FAM228B: variants seen among roughly 807,000 people sequenced by gnomAD.
FAM228B encodes family with sequence similarity 228 member B.
In FAM228B, 38 loss-of-function variants were observed where a neutral mutation model predicts 42.6. The ratio of observed to expected loss-of-function variants is 0.89; its 90% CI spans 0.69 to 1.17. The LOEUF is 1.17. FAM228B is among the 50% of genes most tolerant of loss of function. The pLI is 0.00. For missense variants in FAM228B, 344 were observed against 367.3 expected, an observed-to-expected ratio of 0.94 and a Z score of 0.52; for synonymous variants, 109 against 122.3, an observed-to-expected ratio of 0.89 and a Z score of 0.72.
At chr2:24,093,125 TTTTTATTTTTA>T (rs1665425195) in intron 2 of FAM228B, among the ~76,000 whole-genome samples, 1 of 152,098 alleles carries the variant, frequency 6.6e-6, no homozygotes, top group African/African-American at 2.4e-5. Flanking sequence ...CCCCTCTCAC[TTTTTATTTTTA>T]TTTTTATTTT....
intron 2 of FAM228B, among the ~76,000 whole-genome samples, chr2:24,093,258 C>T (rs1665427652): frequency 1.3e-5 from 2 of 152,098 alleles, no homozygotes; most frequent in Non-Finnish European, 2.9e-5. Flanking sequence ...AGGCTTTAAG[C>T]CCCTCATGCA....
At chr2:24,111,299 A>G (rs1665790573) in intron 3 of FAM228B, among the ~76,000 whole-genome samples, 1 of 152,162 alleles carries the variant, frequency 6.6e-6, no homozygotes, top group Non-Finnish European at 1.5e-5. Flanking sequence ...GGCTCAGGCA[A>G]TCCACCTGCT....
At chr2:24,138,160 C>A in intron 4 of FAM228B, 60 bp downstream of exon 4, 1 of 1,262,666 alleles carries the variant, frequency 7.9e-7, no homozygotes, top group Non-Finnish European at 1.1e-6. Flanking sequence ...CATCTTTGTT[C>A]ATTTATAATC....
intron 2 of FAM228B, among the ~76,000 whole-genome samples, chr2:24,128,009 C>A (rs1246614751): frequency 6.6e-6 from 1 of 152,100 alleles, no homozygotes; most frequent in African/African-American, 2.4e-5. Flanking sequence ...TTGGGAAATA[C>A]AACTGTATGT....
intron 7 of FAM228B, among the ~76,000 whole-genome samples, chr2:24,148,817 T>C (rs905521629): frequency 1.3e-5 from 2 of 152,164 alleles, no homozygotes; most frequent in Non-Finnish European, 2.9e-5. Context: ...CGAGGTCTTA[T>C]TCATTCCTTC....
upstream of FAM228B, chr2:24,119,741 C>A: frequency 3.2e-6 from 4 of 1,268,234 alleles, no homozygotes; most frequent in South Asian, 3.9e-5. Context: ...GACCAGTGGT[C>A]ATGCTCCAGC....
chr2:24,115,364 C>T lies in FAM228B; in HGVS notation c.-120-19755C>T, dbSNP rs137964393. 380 of 550,972 alleles carry T rather than the reference C, an allele frequency of 6.9e-4. 1 individual carries two copies. The highest frequency in any genetic ancestry group is 6.4e-3 in the African/African-American group (341 of 52,956). 34.1% of individuals were successfully genotyped at this position (550,972 alleles called of 1,614,324 possible). On this transcript the variant is annotated intron_variant, in intron 3 of 10. Transcript: ENST00000613899. ...CTCTGTGAAATGATCAGTGCTCTCTCATTCCATGCCGATGACCAACACTTA... is the reference window on the plus strand; with the variant it reads ...CTCTGTGAAATGATCAGTGCTCTCTTATTCCATGCCGATGACCAACACTTA...
At chr2:24,124,700 T>A (rs1558381675) in intron 2 of FAM228B, among the ~76,000 whole-genome samples, 1 of 152,216 alleles carries the variant, frequency 6.6e-6, no homozygotes, top group East Asian at 1.9e-4. Flanking sequence ...TAAGTTTCTC[T>A]TGAGGTACTG....
At chr2:24,168,158 G>A (rs982761600) in intron 10 of FAM228B, 7 of 165,462 alleles carry the variant, frequency 4.2e-5, no homozygotes, top group East Asian at 1.6e-4. Context: ...TGGATGTACC[G>A]GTCTGGAGTT....
intron 2 of FAM228B, among the ~76,000 whole-genome samples, chr2:24,131,231 C>A (rs1666446604): frequency 6.6e-6 from 1 of 152,120 alleles, no homozygotes; most frequent in Non-Finnish European, 1.5e-5. Context: ...ATTACTGTAG[C>A]CTTGTAGTAT....
chr2:24,153,752 A>C (rs1378287731), intron 7 of FAM228B, among the ~76,000 whole-genome samples: 1 of 152,174 alleles, frequency 6.6e-6, no homozygotes, highest in African/African-American at 2.4e-5. Flanking sequence ...CTCTGAGCTC[A>C]GCCCAACATG....
intron 2 of FAM228B, among the ~76,000 whole-genome samples, chr2:24,133,220 C>T (rs746061429): frequency 6.6e-6 from 1 of 152,094 alleles, no homozygotes; most frequent in Non-Finnish European, 1.5e-5. Context: ...CAGTAACTTC[C>T]TGCTTTTTGA....
chr2:24,122,342 T>C (rs1351968106), upstream of FAM228B: 2 of 969,138 alleles, frequency 2.1e-6, no homozygotes, highest in African/African-American at 1.7e-5. Context: ...AAAAAAAAAG[T>C]CATGTCTGCT....
At chr2:24,114,417 TC>T (rs1441987391) in intron 3 of FAM228B, among the ~76,000 whole-genome samples, 1 of 152,066 alleles carries the variant, frequency 6.6e-6, no homozygotes, top group Non-Finnish European at 1.5e-5. Context: ...CTTCCAGACA[TC>T]TTGTCTGGAA....
chr2:24,077,851 C>T lies in FAM228B; in HGVS notation c.-290+882C>T. ...CTCAGCCTTCTTGCTCTCTCTGAAGCCACGTATCTGAAAAAGCACACAGGG... is the reference window on the plus strand; with the variant it reads ...CTCAGCCTTCTTGCTCTCTCTGAAGTCACGTATCTGAAAAAGCACACAGGG... On this transcript the variant is annotated intron_variant, in intron 1 of 10. Transcript: ENST00000613899. This position sits in a 1 kb window ranked among gnomAD's most constrained non-coding sequence, Gnocchi z 5.5. 7.0e-7 allele frequency: 1 copy of T among 1,436,256 alleles called. No individual in the cohort carries two copies. Among genetic ancestry groups the T allele is most frequent in the Middle Eastern group, 2.3e-4 (1 of 4,260 alleles). 89.0% of individuals were successfully genotyped at this position (1,436,256 alleles called of 1,614,324 possible).
chr2:24,143,328 C>G (rs34870916), intron 5 of FAM228B, among the ~76,000 whole-genome samples: 26,062 of 132,942 alleles, frequency 0.2, 2,469 homozygotes, highest in Middle Eastern at 0.31. Flanking sequence ...CTACAGGCGC[C>G]CGCCACCACG....
At chr2:24,116,370 G>A (rs951770254) in intron 3 of FAM228B, among the ~76,000 whole-genome samples, 5 of 151,922 alleles carry the variant, frequency 3.3e-5, no homozygotes, top group African/African-American at 4.8e-5. Context: ...ATGTACTCAC[G>A]TTTTAAAGAT....
At chr2:24,098,160 A>G (rs1200508394) in intron 3 of FAM228B, among the ~76,000 whole-genome samples, 1 of 152,234 alleles carries the variant, frequency 6.6e-6, no homozygotes, top group Admixed American at 6.5e-5. Context: ...TTATAGCACT[A>G]AACACCCACA....
chr2:24,125,326 T>A (rs1666280987), intron 2 of FAM228B, among the ~76,000 whole-genome samples: 1 of 152,136 alleles, frequency 6.6e-6, no homozygotes, highest in Non-Finnish European at 1.5e-5. Context: ...GAGGCTGCAG[T>A]GAGCTGTGAT....
Sources: allele counts gnomAD v4.1 joint callset (sites outside exome capture counted in the v4.1 genomes callset), GRCh38; gene constraint gnomAD v4.1.1; non-coding constraint Gnocchi (gnomAD v3.1); transcripts MANE v1.5; gene names NCBI Gene and HGNC (gene_info 2026-07-23, HGNC 2026-07-21).